DOCK8: variants seen among roughly 807,000 people sequenced by gnomAD.
DOCK8 encodes dedicator of cytokinesis 8.
Under a neutral mutation model 245.6 loss-of-function variants are expected in DOCK8, and 141 were observed. The observed-to-expected ratio is 0.57, with a 90% CI of 0.50 to 0.66. The LOEUF (loss-of-function observed/expected upper bound fraction) is 0.66. Among genes scored for constraint, DOCK8 ranks in the 30% least tolerant of loss-of-function variants. The pLI, the probability that DOCK8 is intolerant of heterozygous loss-of-function variation, is 0.00. For synonymous variants in DOCK8, 1,168 were observed against 970.2 expected (o/e 1.20, Z -3.79); for missense variants, 2,965 against 2,603.4 (o/e 1.14, Z -3.02).
chr9:377,218 A>T lies in DOCK8; in HGVS notation c.2440+7A>T. The T allele has an allele frequency of 1.9e-6, 3 of 1,576,976 alleles. No individual in the cohort carries two copies. The highest frequency in any genetic ancestry group is 2.6e-6 in the Non-Finnish European group (3 of 1,167,130). On this transcript the variant is annotated splice_region_variant and intron_variant, in intron 20 of 47. Transcript: ENST00000432829. Reference sequence around the variant, plus strand: ...GTCATCGCTGGCCAGACAGGTATGAACCTGCAGGGCTGGGCTGGGAGGAGG... The same window carrying T: ...GTCATCGCTGGCCAGACAGGTATGATCCTGCAGGGCTGGGCTGGGAGGAGG...
Position 446,413 on chromosome 9 carries a change from A to G in DOCK8, c.5624A>G (p.Tyr1875Cys), listed in dbSNP as rs1190728171. ...TTTGTGGAGCCCTACTTTGATGAGT[A>G]TGAGATGAAAGACAGGGTCACATAC... is the stretch of plus-strand genomic sequence containing the variant. ...ITFVEPYFDE[Y>C]EMKDRVTYFE... Residue 1875 changes from tyrosine (Y) to cysteine (C), a missense_variant, in exon 44 of 48, where the codon TAT (tyrosine) becomes TGT (cysteine). This residue lies in a region of DOCK8 where 2,825 missense variants were observed against 2,453.5 expected (regional missense o/e 1.15). Coordinates refer to ENST00000432829, the MANE Select transcript of DOCK8 (RefSeq NM_203447.4). The G allele has an allele frequency of 3.1e-6, 5 of 1,614,112 alleles. No individual in the cohort carries two copies. Among genetic ancestry groups the G allele is most frequent in the Admixed American group, 1.7e-5 (1 of 60,008 alleles).
rs1191716932 is a variant in DOCK8, at chr9:400,880, T to TCCA, written c.3234+1633_3234+1635dup. Among the ~76,000 whole-genome samples, 14 of 36,734 alleles carry TCCA rather than the reference T, an allele frequency of 3.8e-4. 2 individuals are homozygous for TCCA. The highest frequency in any genetic ancestry group is 2.1e-3 in the African/African-American group (6 of 2,868). The allele number at this position is 36,734 out of a possible 152,430, so 24.1% of individuals were successfully genotyped here. ...CACCTCCTCCACCATCACCACCACCTCCACCACCACCACCTCCCCCACTAC... is the reference window on the plus strand; with the variant it reads ...CACCTCCTCCACCATCACCACCACCTCCACCACCACCACCACCTCCCCCACTAC... On this transcript the variant is annotated intron_variant, in intron 26 of 47. Coordinates refer to ENST00000432829, the MANE Select transcript of DOCK8 (RefSeq NM_203447.4).
At position 422,102 on chromosome 9, in the gene DOCK8, C is replaced by G. The variant is rs1450661814; in HGVS notation, c.4208C>G (p.Thr1403Arg). Residue 1403 changes from threonine to arginine, a missense_variant, in exon 33 of 48, where the codon ACA (threonine) becomes AGA (arginine). This residue lies in a region of DOCK8 where 2,825 missense variants were observed against 2,453.5 expected (regional missense o/e 1.15). Coordinates refer to ENST00000432829, the MANE Select transcript of DOCK8 (RefSeq NM_203447.4). Reference sequence around the variant, plus strand: ...AATTTGAGATGGAAGAAAGAGCAGACACATTGGCGGCAAGCTAATGAGAAG... The same window carrying G: ...AATTTGAGATGGAAGAAAGAGCAGAGACATTGGCGGCAAGCTAATGAGAAG... ...NENLRWKKEQ[T>R]HWRQANEKLD... 3 of 1,614,110 alleles carry G rather than the reference C, an allele frequency of 1.9e-6. No homozygotes were observed. Among genetic ancestry groups the G allele is most frequent in the East Asian group, 2.2e-5 (1 of 44,888 alleles).
chr9:295,568 A>G (rs968673053), intron 4 of DOCK8, among the ~76,000 whole-genome samples: 1 of 152,224 alleles, frequency 6.6e-6, no homozygotes, highest in African/African-American at 2.4e-5. Context: ...TGAACGCACC[A>G]TGGAGGGGGG....
intron 33 of DOCK8, among the ~76,000 whole-genome samples, chr9:425,368 T>TAA (rs1208397788): frequency 6.6e-6 from 1 of 151,876 alleles, no homozygotes; most frequent in African/African-American, 2.4e-5. Flanking sequence ...CCGTCTCTAC[T>TAA]AAAAATACAA....
chr9:242,640 C>T (rs2047401909), intron 1 of DOCK8, among the ~76,000 whole-genome samples: 1 of 152,152 alleles, frequency 6.6e-6, no homozygotes, highest in East Asian at 1.9e-4. Flanking sequence ...TACGGTTATG[C>T]AGTATGTGAG....
intron 26 of DOCK8, among the ~76,000 whole-genome samples, chr9:403,946 G>C (rs1413572700): frequency 1.7e-4 from 13 of 76,234 alleles, no homozygotes; most frequent in African/African-American, 8.0e-4. Context: ...ATATATATGT[G>C]TATATATATA....
Position 403,994 on chromosome 9 carries a change from G to GTATA in DOCK8, c.3235-909_3235-906dup, listed in dbSNP as rs748371928. ...TATATATGTGTATATATATATATGTGTATATATATATATATATAGTTTAAA... is the reference window on the plus strand; with the variant it reads ...TATATATGTGTATATATATATATGTGTATATATATATATATATATATAGTTTAAA... On this transcript the variant is annotated intron_variant, in intron 26 of 47. Transcript: ENST00000432829. 7.0e-3 allele frequency among the ~76,000 whole-genome samples: 496 copies of GTATA among 70,384 alleles called. 6 individuals are homozygous for GTATA. The highest frequency in any genetic ancestry group is 9.8e-3 in the South Asian group (22 of 2,242). 46.2% of individuals were successfully genotyped at this position (70,384 alleles called of 152,430 possible).
At chr9:448,321 T>C (rs1266716542) in intron 44 of DOCK8, among the ~76,000 whole-genome samples, 1 of 152,236 alleles carries the variant, frequency 6.6e-6, no homozygotes. Flanking sequence ...TTGCCCAGTC[T>C]GGTCTCAAAC....
At chr9:390,331 TTAC>T in intron 23 of DOCK8, 137 bp from the exon 24 acceptor site, 1 of 788,850 alleles carries the variant, frequency 1.3e-6, no homozygotes, top group Non-Finnish European at 2.1e-6. Flanking sequence ...CATCCACCAC[TTAC>T]TGCCTAGAAC....
Position 340,144 on chromosome 9 carries a change from A to G in DOCK8, c.1517-15A>G, listed in dbSNP as rs768864333. On this transcript the variant is annotated splice_polypyrimidine_tract_variant and intron_variant, in intron 13 of 47. Coordinates refer to ENST00000432829, the MANE Select transcript of DOCK8 (RefSeq NM_203447.4). ...ACAGTTTCTTTACTAGAACATTCCTATTTTCTCTCTTTAGGCTTGCTAAGA... is the reference window on the plus strand; with the variant it reads ...ACAGTTTCTTTACTAGAACATTCCTGTTTTCTCTCTTTAGGCTTGCTAAGA... 2.9e-5 allele frequency: 47 copies of G among 1,613,256 alleles called. No individual in the cohort carries two copies. In the East Asian group the frequency reaches 6.9e-4, roughly 24 times the overall value.
chr9:230,981 C>G (rs2047103111), intron 1 of DOCK8, among the ~76,000 whole-genome samples: 1 of 152,060 alleles, frequency 6.6e-6, no homozygotes. Context: ...TTGCCCATGC[C>G]TATGTCCTGA....
At chr9:423,431 G>T in intron 33 of DOCK8, among the ~76,000 whole-genome samples, 1 of 152,160 alleles carries the variant, frequency 6.6e-6, no homozygotes, top group East Asian at 1.9e-4. Flanking sequence ...ACACACAGTT[G>T]ACAAGGTAGG....
chr9:363,803 T>C (rs1174810052), intron 14 of DOCK8, among the ~76,000 whole-genome samples: 1 of 152,180 alleles, frequency 6.6e-6, no homozygotes, highest in Non-Finnish European at 1.5e-5. Flanking sequence ...GCAACCCCTT[T>C]GGAAGCAACA....
chr9:446,731 T>C (rs2057275368), intron 44 of DOCK8, 125 bp downstream of exon 44: 2 of 847,308 alleles, frequency 2.4e-6, no homozygotes, highest in South Asian at 1.4e-5. Context: ...GAAATATGAT[T>C]ATATGGTTGT....
intron 7 of DOCK8, among the ~76,000 whole-genome samples, chr9:324,152 C>A (rs1411602100): frequency 6.6e-6 from 1 of 152,230 alleles, no homozygotes; most frequent in African/African-American, 2.4e-5. Flanking sequence ...GAGTCCAGGT[C>A]TCTGCCTGGG....
chr9:335,466 T>G (rs1480782190), intron 11 of DOCK8, among the ~76,000 whole-genome samples: 3 of 152,110 alleles, frequency 2.0e-5, no homozygotes. Context: ...GAAAGGGCAT[T>G]TTGTGATTGC....
intron 23 of DOCK8, among the ~76,000 whole-genome samples, chr9:388,708 C>G (rs925654169): frequency 6.6e-6 from 1 of 152,062 alleles, no homozygotes; most frequent in African/African-American, 2.4e-5. Context: ...CCGTGAACCA[C>G]CACATCTGGC....
At chr9:288,566 T>C (rs1360828885) in intron 3 of DOCK8, among the ~76,000 whole-genome samples, 1 of 152,260 alleles carries the variant, frequency 6.6e-6, no homozygotes, top group Non-Finnish European at 1.5e-5. Flanking sequence ...TAATATCATA[T>C]ATGCGTCTTA....
Sources: gnomAD v4.1 joint callset for allele counts (sites outside exome capture counted in the v4.1 genomes callset) on GRCh38, gnomAD v4.1.1 for gene constraint, gnomAD v4.1.1 regional missense constraint, MANE v1.5 for transcripts, NCBI Gene and HGNC (gene_info 2026-07-23, HGNC 2026-07-21) for gene names.